Variants in SLIT3 observed in about 807,000 individuals in gnomAD.
The protein encoded by SLIT3 is slit homolog 3 protein.
SLIT3 carries 68 observed loss-of-function variants against 184.0 expected under a neutral mutation model. The observed-to-expected ratio is 0.37, with a 90% CI of 0.30 to 0.45. The LOEUF (loss-of-function observed/expected upper bound fraction) is 0.45, where lower values mean the gene tolerates loss of function less well. Ranked by LOEUF, SLIT3 falls within the 20% of genes least tolerant of loss-of-function variation. SLIT3 has a pLI of 1.00. For missense variants in SLIT3, 1,707 were observed against 2,026.0 expected (o/e 0.84, Z 3.02); for synonymous variants, 831 against 828.6 (o/e 1.00, Z -0.05).
At chr5:169,131,597 AGGTTTACGATCATGC>A (rs1252559174) in intron 4 of SLIT3, among the ~76,000 whole-genome samples, 4 of 152,248 alleles carry the variant, frequency 2.6e-5, no homozygotes, top group Non-Finnish European at 4.4e-5. Context: ...CTGATTCTGC[AGGTTTACGATCATGC>A]ACCAACTTAG....
intron 4 of SLIT3, among the ~76,000 whole-genome samples, chr5:169,104,188 T>TG (rs1760117904): frequency 6.6e-6 from 1 of 152,164 alleles, no homozygotes; most frequent in Non-Finnish European, 1.5e-5. Flanking sequence ...GATCTGAAGG[T>TG]GGGTCCCTTG....
intron 4 of SLIT3, among the ~76,000 whole-genome samples, chr5:169,142,961 C>G (rs1480721225): frequency 6.6e-6 from 1 of 152,164 alleles, no homozygotes; most frequent in Non-Finnish European, 1.5e-5. Context: ...CCAGAGGCCA[C>G]CTTTCTTGCT....
chr5:168,718,687 C>T (rs1459689283), intron 23 of SLIT3, among the ~76,000 whole-genome samples: 3 of 122,720 alleles, frequency 2.4e-5, no homozygotes, highest in African/African-American at 1.2e-4. Context: ...TACACACACA[C>T]ACACACACAC....
At chr5:169,146,680 C>T (rs1761938099) in intron 4 of SLIT3, among the ~76,000 whole-genome samples, 1 of 152,188 alleles carries the variant, frequency 6.6e-6, no homozygotes, top group South Asian at 2.1e-4. Context: ...AGTCACACCC[C>T]CAGTTGACAC....
At chr5:168,729,333 C>CA (rs1352042787) in intron 20 of SLIT3, among the ~76,000 whole-genome samples, 1 of 151,962 alleles carries the variant, frequency 6.6e-6, no homozygotes, top group Non-Finnish European at 1.5e-5. Context: ...ATCTCTATAG[C>CA]ATATTATATT....
chr5:169,081,951 A>C (rs1430028007), intron 4 of SLIT3, among the ~76,000 whole-genome samples: 1 of 152,200 alleles, frequency 6.6e-6, no homozygotes, highest in Non-Finnish European at 1.5e-5. Flanking sequence ...GTTGTTGCTG[A>C]GCCAGCATTT....
At chr5:169,100,090 G>T (rs1759950338) in intron 4 of SLIT3, among the ~76,000 whole-genome samples, 1 of 152,198 alleles carries the variant, frequency 6.6e-6, no homozygotes, top group Admixed American at 6.5e-5. Context: ...CACTGCTAAT[G>T]CTGGGGGTAA....
Position 168,700,475 on chromosome 5 carries a change from G to A in SLIT3, c.2942+107C>T. 1.4e-5 allele frequency: 11 copies of A among 783,336 alleles called. No individual in the cohort carries two copies. In the South Asian group the frequency reaches 1.6e-4, roughly 11 times the overall value. The allele number at this position is 783,336 out of a possible 1,614,324, so 48.5% of individuals were successfully genotyped here. On this transcript the variant is annotated intron_variant, in intron 27 of 35. Coordinates refer to ENST00000519560, the MANE Select transcript of SLIT3 (RefSeq NM_003062.4). ...GCTTCCCAGCCATGCTGAACTGTGA[G>A]TCCTTTAAACTTCTTTCCTTTATAA...
intron 23 of SLIT3, 26 bp downstream of exon 23, chr5:168,722,230 C>T (rs746209218): frequency 1.2e-6 from 2 of 1,609,854 alleles, no homozygotes; most frequent in Non-Finnish European, 1.7e-6. Flanking sequence ...ATGTGTAAGT[C>T]AAAATCAGCA....
chr5:169,044,862 G>C (rs949689976), intron 4 of SLIT3, among the ~76,000 whole-genome samples: 2 of 152,188 alleles, frequency 1.3e-5, no homozygotes, highest in African/African-American at 4.8e-5. Context: ...CCCCAGCTCT[G>C]TTTCTGGGCC....
intron 4 of SLIT3, among the ~76,000 whole-genome samples, chr5:168,998,374 T>C (rs1210752873): frequency 6.6e-6 from 1 of 152,162 alleles, no homozygotes; most frequent in Non-Finnish European, 1.5e-5. Context: ...TATAATGTTT[T>C]GATGCCACCC....
chr5:169,071,719 G>C (rs1158571133), intron 4 of SLIT3, among the ~76,000 whole-genome samples: 1 of 152,190 alleles, frequency 6.6e-6, no homozygotes, highest in African/African-American at 2.4e-5. Context: ...GAAACTGCCT[G>C]GCGGTCCCTT....
intron 4 of SLIT3, among the ~76,000 whole-genome samples, chr5:169,075,848 T>G (rs1270394584): frequency 6.6e-6 from 1 of 152,258 alleles, no homozygotes; most frequent in East Asian, 1.9e-4. Context: ...TCTATCTATC[T>G]ACATAGTTTG....
rs561188886 is a variant in SLIT3 at position 169,087,217 on chromosome 5, C to T, written c.413+106262G>A. On this transcript the variant is annotated intron_variant, in intron 4 of 35. Transcript: ENST00000519560. Reference sequence around the variant, plus strand: ...CACTAACTGCTAGGGAGGCATCCTGCAGGGGGTGGCTGTGGCAGGGGAGGA... The same window carrying T: ...CACTAACTGCTAGGGAGGCATCCTGTAGGGGGTGGCTGTGGCAGGGGAGGA... Among the ~76,000 whole-genome samples the T allele has an allele frequency of 2.0e-5, 3 of 152,266 alleles. No homozygotes were observed. In the South Asian group the frequency reaches 6.2e-4, roughly 32 times the overall value.
chr5:168,926,094 G>C (rs1372121292), intron 4 of SLIT3, among the ~76,000 whole-genome samples: 1 of 152,084 alleles, frequency 6.6e-6, no homozygotes, highest in Non-Finnish European at 1.5e-5. Flanking sequence ...AAAACTACAA[G>C]CTATGGTTCC....
At chr5:169,143,465 C>T (rs1296099016) in intron 4 of SLIT3, among the ~76,000 whole-genome samples, 1 of 152,234 alleles carries the variant, frequency 6.6e-6, no homozygotes, top group East Asian at 1.9e-4. Flanking sequence ...CCTCACACTA[C>T]ATTGCTGCAG....
chr5:169,299,833 G>T (rs73321513), intron 1 of SLIT3, among the ~76,000 whole-genome samples: 2,804 of 152,194 alleles, frequency 0.018, 89 homozygotes, highest in African/African-American at 0.064. Context: ...CATTTGAAGG[G>T]CTGTCAGCAT....
chr5:168,957,893 G>A (rs1762882436), intron 4 of SLIT3, among the ~76,000 whole-genome samples: 1 of 152,132 alleles, frequency 6.6e-6, no homozygotes, highest in African/African-American at 2.4e-5. Context: ...CTCATGCATT[G>A]GGGTGGGGGT....
At position 168,663,832 on chromosome 5, in the gene SLIT3, C is replaced by G. The variant is rs1208298308; in HGVS notation, c.*2622G>C. On this transcript the variant is annotated 3_prime_UTR_variant, in exon 36 of 36. Coordinates refer to ENST00000519560, the MANE Select transcript of SLIT3 (RefSeq NM_003062.4). ...CTAGAAGTTCCCTCCTCTGGACAGC[C>G]ACTTCCATTGCTTGTATTGCCACTT... 1 of 152,192 alleles carries G rather than the reference C, an allele frequency of 6.6e-6. No homozygotes were observed. The highest frequency in any genetic ancestry group is 1.5e-5 in the Non-Finnish European group (1 of 68,046). 9.4% of individuals were successfully genotyped at this position (152,192 alleles called of 1,614,324 possible).
Sources: gnomAD v4.1 joint callset for allele counts (sites outside exome capture counted in the v4.1 genomes callset) on GRCh38, gnomAD v4.1.1 for gene constraint, MANE v1.5 for transcripts, NCBI Gene and HGNC (gene_info 2026-07-23, HGNC 2026-07-21) for gene names.